Variants in C8orf34 observed in about 807,000 individuals in gnomAD.
The protein encoded by C8orf34 is uncharacterized protein C8orf34.
C8orf34 carries 65 observed loss-of-function variants against 68.3 expected under a neutral mutation model. The ratio of observed to expected loss-of-function variants is 0.95; its 90% CI spans 0.78 to 1.17. The LOEUF (loss-of-function observed/expected upper bound fraction) is 1.17. Ranked by LOEUF, C8orf34 falls within the 50% of genes most tolerant of loss-of-function variation. The pLI is 0.00. For missense variants in C8orf34, 664 were observed against 655.4 expected (o/e 1.01, Z -0.14); for synonymous variants, 244 against 241.2 (o/e 1.01, Z -0.11).
At chr8:68,381,507 T>C (rs995134357) in intron 1 of C8orf34, among the ~76,000 whole-genome samples, 4 of 147,152 alleles carry the variant, frequency 2.7e-5, no homozygotes, top group Non-Finnish European at 4.5e-5. Context: ...CCGAGGCGGG[T>C]GGATCATGAG....
At chr8:68,638,090 G>A (rs1818898959) in intron 7 of C8orf34, among the ~76,000 whole-genome samples, 3 of 152,210 alleles carry the variant, frequency 2.0e-5, no homozygotes, top group African/African-American at 7.2e-5. Context: ...GTTACACCAG[G>A]GATCTTGATC....
chr8:68,627,437 C>T (rs1478511777), intron 7 of C8orf34, among the ~76,000 whole-genome samples: 7 of 152,132 alleles, frequency 4.6e-5, no homozygotes, highest in Non-Finnish European at 1.5e-5. Context: ...ATAACCCTCC[C>T]CTGACATGAG....
intron 4 of C8orf34, among the ~76,000 whole-genome samples, chr8:68,478,376 T>C (rs1302007858): frequency 6.6e-6 from 1 of 152,170 alleles, no homozygotes. Flanking sequence ...CATATCACTA[T>C]CATCATTTTA....
At chr8:68,482,168 G>A (rs1812886533) in intron 4 of C8orf34, among the ~76,000 whole-genome samples, 2 of 152,140 alleles carry the variant, frequency 1.3e-5, no homozygotes, top group South Asian at 4.1e-4. Flanking sequence ...GGTTTATCAG[G>A]AGTTTCTGTT....
At chr8:68,543,537 C>T (rs1037189732) in intron 7 of C8orf34, among the ~76,000 whole-genome samples, 1 of 152,074 alleles carries the variant, frequency 6.6e-6, no homozygotes, top group African/African-American at 2.4e-5. Context: ...ACTTAACAAT[C>T]ACAAACATAC....
At chr8:68,653,519 A>G (rs1271445700) in intron 8 of C8orf34, among the ~76,000 whole-genome samples, 1 of 152,214 alleles carries the variant, frequency 6.6e-6, no homozygotes, top group Non-Finnish European at 1.5e-5. Context: ...CTGGTGGCTT[A>G]TAAACGAGGG....
intron 1 of C8orf34, among the ~76,000 whole-genome samples, chr8:68,435,318 C>T (rs1663934810): frequency 1.3e-5 from 2 of 151,934 alleles, no homozygotes; most frequent in Admixed American, 6.6e-5. Context: ...CTCTATGTAG[C>T]TGTGCTAAAT....
intron 10 of C8orf34, among the ~76,000 whole-genome samples, chr8:68,773,984 G>A (rs1159002583): frequency 6.6e-6 from 1 of 152,116 alleles, no homozygotes; most frequent in Non-Finnish European, 1.5e-5. Flanking sequence ...CAGCTCCAAG[G>A]AAACACATCG....
rs561667412 is a variant in C8orf34 at position 68,533,050 on chromosome 8, G to A, written c.1006G>A (p.Ala336Thr). Residue 336 changes from alanine (A) to threonine (T), a missense_variant, in exon 7 of 14, where the codon GCA (alanine) becomes ACA (threonine). Coordinates refer to ENST00000518698, the MANE Select transcript of C8orf34 (RefSeq NM_052958.4). ...QQQQHKKLLA[A>T]MLSQDSFESI... is the part of the protein sequence containing the mutation. ...ACAGCAACATAAGAAACTCCTGGCC[G>A]CAATGCTCTCTCAAGATTCTTTTGA... The A allele has an allele frequency of 1.1e-5, 18 of 1,610,914 alleles. No homozygotes were observed. The highest frequency in any genetic ancestry group is 1.1e-4 in the South Asian group (10 of 90,946).
chr8:68,787,313 CT>C, intron 11 of C8orf34, 129 bp from the exon 12 acceptor site: 5 of 556,374 alleles, frequency 9.0e-6, no homozygotes, highest in East Asian at 3.1e-5. Flanking sequence ...TAGAGCTCTC[CT>C]TTTTTTAATG....
intron 1 of C8orf34, among the ~76,000 whole-genome samples, chr8:68,369,654 C>T (rs1807471036): frequency 6.6e-6 from 1 of 152,178 alleles, no homozygotes; most frequent in South Asian, 2.1e-4. Flanking sequence ...GTCTCATGAG[C>T]AACTGATGTC....
chr8:68,782,737 A>G (rs533087126), intron 11 of C8orf34, among the ~76,000 whole-genome samples: 26 of 152,256 alleles, frequency 1.7e-4, no homozygotes, highest in African/African-American at 6.3e-4. Context: ...TGTGCTAAAA[A>G]TCTTGTGCTT....
chr8:68,620,335 G>A (rs1818350531), intron 7 of C8orf34, among the ~76,000 whole-genome samples: 1 of 152,200 alleles, frequency 6.6e-6, no homozygotes, highest in Non-Finnish European at 1.5e-5. Context: ...TCCAGGAAGA[G>A]GTTGGGGTTG....
intron 7 of C8orf34, among the ~76,000 whole-genome samples, chr8:68,635,563 A>G (rs1818814782): frequency 1.3e-5 from 2 of 152,212 alleles, no homozygotes; most frequent in Admixed American, 1.3e-4. Flanking sequence ...TCTTTTTAAC[A>G]GATGTACCCT....
intron 2 of C8orf34, among the ~76,000 whole-genome samples, chr8:68,443,818 A>G (rs140690823): frequency 4.0e-4 from 61 of 152,312 alleles, no homozygotes; most frequent in African/African-American, 1.3e-3. Context: ...ATATTTAGCA[A>G]CATGGGACAC....
At chr8:68,789,081 C>T (rs1823921106) in intron 12 of C8orf34, among the ~76,000 whole-genome samples, 1 of 152,148 alleles carries the variant, frequency 6.6e-6, no homozygotes. Flanking sequence ...TCCACATCCC[C>T]CCATCTTCCC....
chr8:68,772,722 T>C (rs1365085684), intron 10 of C8orf34, among the ~76,000 whole-genome samples: 1 of 149,370 alleles, frequency 6.7e-6, no homozygotes, highest in East Asian at 2.0e-4. Flanking sequence ...TTTCTTTCTT[T>C]CTTTTTCTTT....
intron 4 of C8orf34, among the ~76,000 whole-genome samples, chr8:68,485,916 T>A (rs1044900095): frequency 3.3e-5 from 5 of 151,900 alleles, no homozygotes; most frequent in Non-Finnish European, 5.9e-5. Flanking sequence ...TAAAATTTTA[T>A]ATTTAAGATA....
At chr8:68,420,019 G>T (rs1288240302) in intron 1 of C8orf34, among the ~76,000 whole-genome samples, 4 of 145,888 alleles carry the variant, frequency 2.7e-5, no homozygotes, top group Non-Finnish European at 4.6e-5. Context: ...AAAAAGAAAA[G>T]AAATTATCTG....
Sources: gnomAD v4.1 joint callset for allele counts (sites outside exome capture counted in the v4.1 genomes callset) on GRCh38, gnomAD v4.1.1 for gene constraint, MANE v1.5 for transcripts, NCBI Gene and HGNC (gene_info 2026-07-23, HGNC 2026-07-21) for gene names.